Variants in SLC24A5 observed in about 807,000 individuals in gnomAD.
SLC24A5 encodes the protein sodium/potassium/calcium exchanger 5.
Under a neutral mutation model 51.6 loss-of-function variants are expected in SLC24A5, and 46 were observed. That is an observed-to-expected ratio of 0.89 (90% confidence interval 0.70 to 1.14). The LOEUF (loss-of-function observed/expected upper bound fraction) is 1.14, where lower values mean the gene tolerates loss of function less well. Among genes scored for constraint, SLC24A5 ranks in the 50% most tolerant of loss-of-function variants. SLC24A5 has a pLI of 0.00. For synonymous variants in SLC24A5, 230 were observed against 214.9 expected (o/e 1.07, Z -0.62); for missense variants, 581 against 604.1 (o/e 0.96, Z 0.40).
chr15:48,139,117 G>C lies in SLC24A5; in HGVS notation c.1020G>C (p.Met340Ile), dbSNP rs779056827. The change falls in exon 7 of 9, where the codon ATG becomes ATC. Residue 340 changes from methionine to isoleucine, a missense_variant. Coordinates refer to ENST00000341459, the MANE Select transcript of SLC24A5 (RefSeq NM_205850.3). ...WKNYFVITFFMSAIWISAFTY... is the reference protein window; with the variant it reads ...WKNYFVITFFISAIWISAFTY... ...ACTACTTTGTGATAACCTTTTTCATGTCTGCAATATGGATATCCGCATTTA... is the reference window on the plus strand; with the variant it reads ...ACTACTTTGTGATAACCTTTTTCATCTCTGCAATATGGATATCCGCATTTA... 1 of 1,613,038 alleles carries C rather than the reference G, an allele frequency of 6.2e-7. No individual in the cohort carries two copies. The highest frequency in any genetic ancestry group is 8.5e-7 in the Non-Finnish European group (1 of 1,179,354).
At chr15:48,132,894 T>C (rs1413928212) in intron 2 of SLC24A5, among the ~76,000 whole-genome samples, 1 of 152,012 alleles carries the variant, frequency 6.6e-6, no homozygotes, top group Non-Finnish European at 1.5e-5. Flanking sequence ...CGTATCACCT[T>C]TTATGTAGGG....
intron 2 of SLC24A5, among the ~76,000 whole-genome samples, chr15:48,130,440 G>T (rs2038777722): frequency 6.6e-6 from 1 of 152,052 alleles, no homozygotes; most frequent in South Asian, 2.1e-4. Flanking sequence ...TAATTTGAGT[G>T]CAGTGAATAG....
At chr15:48,128,423 A>C (rs879652096) in intron 2 of SLC24A5, among the ~76,000 whole-genome samples, 1 of 152,178 alleles carries the variant, frequency 6.6e-6, no homozygotes, top group African/African-American at 2.4e-5. Context: ...ATTTTAAAAA[A>C]TTTTCACTTA....
chr15:48,142,250 G>T lies in SLC24A5; in HGVS notation c.1402G>T (p.Gly468Ter), dbSNP rs201838593. Reference protein sequence around the residue: ...FNGWKLDRKLGIVCLLSYLGL... With the variant: ...FNGWKLDRKL ...TGGCTGGAAACTAGACAGAAAGTTG[G>T]GAATAGTCTGCCTATTATCATACTT... The change falls in exon 9 of 9, where the codon GGA becomes TGA. Residue 468 changes from glycine to a stop codon, truncating the protein, a stop_gained. Coordinates refer to ENST00000341459, the MANE Select transcript of SLC24A5 (RefSeq NM_205850.3). LOFTEE classifies it high-confidence loss of function. The T allele has an allele frequency of 1.9e-5, 30 of 1,613,382 alleles. No individual in the cohort carries two copies. Among genetic ancestry groups the T allele is most frequent in the Non-Finnish European group, 2.5e-5 (29 of 1,179,674 alleles).
At chr15:48,121,496 C>G (rs948305961) in intron 1 of SLC24A5, among the ~76,000 whole-genome samples, 1 of 152,074 alleles carries the variant, frequency 6.6e-6, no homozygotes, top group African/African-American at 2.4e-5. Flanking sequence ...AATTTAGGCT[C>G]TGCAATGAGA....
At chr15:48,139,632 G>C (rs977692911) in intron 7 of SLC24A5, 2 of 152,894 alleles carry the variant, frequency 1.3e-5, no homozygotes, top group Non-Finnish European at 2.9e-5. Flanking sequence ...TTTTCAACAC[G>C]GCAATACAAA....
Position 48,134,870 on chromosome 15 carries a change from T to C in SLC24A5, c.490-14T>C, listed in dbSNP as rs2038857730. The stretch of plus-strand genomic sequence containing the variant: ...GTTACAATGTAATGGAAATAATAAC[T>C]TACCATATTACAGGTCTCAACACTA... On this transcript the variant is annotated splice_polypyrimidine_tract_variant and intron_variant, in intron 4 of 8. Transcript: ENST00000341459. 1 of 1,577,956 alleles carries C rather than the reference T, an allele frequency of 6.3e-7. No homozygotes were observed. Among genetic ancestry groups the C allele is most frequent in the East Asian group, 2.2e-5 (1 of 44,502 alleles).
At chr15:48,130,419 C>A (rs2038777403) in intron 2 of SLC24A5, among the ~76,000 whole-genome samples, 1 of 151,974 alleles carries the variant, frequency 6.6e-6, no homozygotes, top group Non-Finnish European at 1.5e-5. Context: ...TATACAAAAT[C>A]TTTCCTTTCA....
In SLC24A5 at chr15:48,121,061, G is replaced by A; in HGVS notation, c.17G>A (p.Gly6Asp). 6.2e-7 allele frequency: 1 copy of A among 1,613,782 alleles called. No homozygotes were observed. The highest frequency in any genetic ancestry group is 8.5e-7 in the Non-Finnish European group (1 of 1,179,852). Residue 6 changes from glycine (G) to aspartate (D), a missense_variant, in exon 1 of 9, where the codon GGC becomes GAC. By Grantham distance (94) the Gly-to-Asp change is moderately conservative. Transcript: ENST00000341459. MQTKG[G>D]QTWARRALLL... ...ACAGCAGAAATGCAGACAAAAGGGG[G>A]CCAAACATGGGCGAGAAGGGCTCTG...
rs1303447411 is a variant in SLC24A5 at position 48,122,432 on chromosome 15, C to T, written c.301+396C>T. 4 of 277,712 alleles carry T rather than the reference C, an allele frequency of 1.4e-5. No individual in the cohort carries two copies. The Admixed American group carries it at 1.9e-4, about 13-fold the overall frequency. 17.2% of individuals were successfully genotyped at this position (277,712 alleles called of 1,614,324 possible). ...CTTTTTTTTATTTTTACTCTAAGCTCGCTATAACTTTGATTATAAAAAGTG... is the reference window on the plus strand; with the variant it reads ...CTTTTTTTTATTTTTACTCTAAGCTTGCTATAACTTTGATTATAAAAAGTG... On this transcript the variant is annotated intron_variant, in intron 2 of 8. Transcript: ENST00000341459.
intron 6 of SLC24A5, chr15:48,138,406 A>C (rs1436973240): frequency 1.3e-5 from 2 of 152,132 alleles, no homozygotes; most frequent in Non-Finnish European, 2.9e-5. Context: ...GGTTATTTCT[A>C]TGAACTGTGG....
At chr15:48,136,343 CACT>C (rs1369889417) in intron 5 of SLC24A5, 5 of 177,968 alleles carry the variant, frequency 2.8e-5, no homozygotes, top group Non-Finnish European at 5.8e-5. Flanking sequence ...AAATGTTCAC[CACT>C]ATTTATTAAT....
chr15:48,134,652 A>C, intron 4 of SLC24A5, 114 bp downstream of exon 4: 1 of 794,592 alleles, frequency 1.3e-6, no homozygotes, highest in Non-Finnish European at 2.0e-6. Flanking sequence ...CAAATTTATT[A>C]ATCAGTAGAA....
intron 6 of SLC24A5, 36 bp downstream of exon 6, chr15:48,136,999 C>T (rs1170402797): frequency 4.5e-6 from 7 of 1,555,402 alleles, no homozygotes; most frequent in Admixed American, 3.9e-5. Flanking sequence ...TAAGTCTATT[C>T]GCAAAGGAAA....
intron 2 of SLC24A5, among the ~76,000 whole-genome samples, chr15:48,133,242 C>T (rs1419015428): frequency 8.5e-5 from 13 of 152,168 alleles, no homozygotes; most frequent in Admixed American, 8.5e-4. Flanking sequence ...CTAGTTCTGA[C>T]TTCGATACTA....
intron 7 of SLC24A5, chr15:48,140,773 C>T (rs565508398): frequency 4.4e-5 from 9 of 205,226 alleles, no homozygotes; most frequent in Non-Finnish European, 8.0e-5. Context: ...GCGGAATGAT[C>T]AGTCTCATTA....
At position 48,135,801 on chromosome 15, in the gene SLC24A5, A is replaced by G. The variant is rs959391276; in HGVS notation, c.590+817A>G. On this transcript the variant is annotated intron_variant, in intron 5 of 8. Coordinates refer to ENST00000341459, the MANE Select transcript of SLC24A5 (RefSeq NM_205850.3). ...CTATCAAGAAACTTAAAACCTAGCC[A>G]GAAGCATAATTTCTAAACTAATCAT... The G allele has an allele frequency of 2.6e-5, 4 of 152,254 alleles. No homozygotes were observed. The South Asian group carries it at 8.3e-4, about 32-fold the overall frequency. The allele number at this position is 152,254 out of a possible 1,614,324, so 9.4% of individuals were successfully genotyped here. A position where few individuals can be genotyped will look rare whatever the true frequency, so the allele number is the denominator to read the frequency against.
intron 2 of SLC24A5, among the ~76,000 whole-genome samples, chr15:48,124,885 T>C (rs1432905828): frequency 6.6e-6 from 1 of 152,216 alleles, no homozygotes; most frequent in African/African-American, 2.4e-5. Flanking sequence ...TCTTGAGTAT[T>C]GAAAATACTG....
At chr15:48,141,988 T>C in intron 8 of SLC24A5, 41 bp from the exon 9 acceptor site, 3 of 1,406,768 alleles carry the variant, frequency 2.1e-6, no homozygotes, top group Non-Finnish European at 2.9e-6. Context: ...TAAAACACAG[T>C]ATTGGTAAGC....
Sources: allele counts gnomAD v4.1 joint callset (sites outside exome capture counted in the v4.1 genomes callset), GRCh38; gene constraint gnomAD v4.1.1; transcripts MANE v1.5; gene names NCBI Gene and HGNC (gene_info 2026-07-23, HGNC 2026-07-21).